ZNF385D: variants seen among roughly 807,000 people sequenced by gnomAD.
The protein encoded by ZNF385D is zinc finger protein 385D.
ZNF385D carries 15 observed loss-of-function variants against 35.8 expected under a neutral mutation model. The observed-to-expected ratio is 0.42, with a 90% CI of 0.28 to 0.64. The LOEUF (loss-of-function observed/expected upper bound fraction) is 0.64. Among genes scored for constraint, ZNF385D ranks in the 30% least tolerant of loss-of-function variants. The pLI is 0.23. For missense variants in ZNF385D, 474 were observed against 494.6 expected (o/e 0.96, Z 0.39); for synonymous variants, 212 against 186.8 (o/e 1.13, Z -1.10).
At chr3:21,532,355 C>A (rs1451079170) in intron 3 of ZNF385D, among the ~76,000 whole-genome samples, 3 of 152,050 alleles carry the variant, frequency 2.0e-5, no homozygotes, top group Non-Finnish European at 4.4e-5. Flanking sequence ...TGTAATATAT[C>A]AGTGTGGGGG....
chr3:21,755,358 C>A (rs1332905374), upstream of ZNF385D, among the ~76,000 whole-genome samples: 1 of 152,122 alleles, frequency 6.6e-6, no homozygotes, highest in Non-Finnish European at 1.5e-5. Context: ...TTTTATCCAC[C>A]AAGGTCGTTA....
chr3:21,912,986 A>G (rs1559747924), intron 3 of ZNF385D, among the ~76,000 whole-genome samples: 1 of 152,026 alleles, frequency 6.6e-6, no homozygotes, highest in Non-Finnish European at 1.5e-5. Flanking sequence ...TGTGATAATA[A>G]TTTTTTTAAA....
At chr3:22,199,592 G>A (rs946836530) in intron 2 of ZNF385D, among the ~76,000 whole-genome samples, 31 of 152,066 alleles carry the variant, frequency 2.0e-4, no homozygotes, top group Non-Finnish European at 4.0e-4. Context: ...AAGAGAAGTG[G>A]CACATACGGA....
At chr3:21,711,148 T>C (rs1341224861) in intron 1 of ZNF385D, among the ~76,000 whole-genome samples, 3 of 148,800 alleles carry the variant, frequency 2.0e-5, no homozygotes, top group Admixed American at 1.4e-4. Context: ...TTCACGCCAT[T>C]CTCCTGCCTC....
intron 3 of ZNF385D, among the ~76,000 whole-genome samples, chr3:22,024,522 C>T (rs1342117386): frequency 1.3e-5 from 2 of 151,744 alleles, no homozygotes; most frequent in Admixed American, 6.6e-5. Flanking sequence ...GTATGGAGAA[C>T]TAATAGTATA....
chr3:22,082,259 C>G (rs140917538), intron 3 of ZNF385D, among the ~76,000 whole-genome samples: 296 of 152,060 alleles, frequency 1.9e-3, no homozygotes, highest in African/African-American at 6.9e-3. Context: ...ATCGCCTCAC[C>G]CAGTAAGTGC....
intron 3 of ZNF385D, among the ~76,000 whole-genome samples, chr3:21,857,864 A>G (rs1368735375): frequency 6.6e-6 from 1 of 151,938 alleles, no homozygotes; most frequent in Non-Finnish European, 1.5e-5. Flanking sequence ...CTGGAGAACA[A>G]TCAGCACATA....
At chr3:22,020,976 A>G (rs1045425503) in intron 3 of ZNF385D, among the ~76,000 whole-genome samples, 7 of 151,986 alleles carry the variant, frequency 4.6e-5, no homozygotes, top group Non-Finnish European at 1.0e-4. Flanking sequence ...TTTTGCAGCA[A>G]TATGGATGGA....
At chr3:22,175,037 C>A (rs1263903014) in intron 2 of ZNF385D, among the ~76,000 whole-genome samples, 2 of 151,620 alleles carry the variant, frequency 1.3e-5, no homozygotes, top group African/African-American at 4.8e-5. Flanking sequence ...CTTAAAATTG[C>A]TTTATTATGG....
Position 21,809,990 on chromosome 3 carries a change from C to A in ZNF385D, c.326-144962G>T, listed in dbSNP as rs924217440. Among the ~76,000 whole-genome samples, 9 of 152,162 alleles carry A rather than the reference C, an allele frequency of 5.9e-5. 1 individual carries two copies. Among genetic ancestry groups the A allele is most frequent in the South Asian group, 4.2e-4 (2 of 4,810 alleles). On this transcript the variant is annotated intron_variant, in intron 3 of 5. Coordinates refer to the ZNF385D transcript ENST00000494108. ...AAGAAAAATTTACATGGATTCCATA[C>A]AATATCTTCCAGAAAATAGGAGAGA... is the stretch of plus-strand genomic sequence containing the variant.
chr3:21,845,303 G>A (rs797000661), intron 3 of ZNF385D, among the ~76,000 whole-genome samples: 2 of 151,808 alleles, frequency 1.3e-5, no homozygotes, highest in African/African-American at 2.4e-5. Flanking sequence ...TGTGACTTTT[G>A]GTCTAATGGA....
At chr3:22,019,926 T>A (rs923541012) in intron 3 of ZNF385D, among the ~76,000 whole-genome samples, 7 of 152,046 alleles carry the variant, frequency 4.6e-5, no homozygotes, top group Admixed American at 3.3e-4. Flanking sequence ...AGTCTTTTTA[T>A]GAATTTTCTA....
chr3:22,179,247 CTCTTT>C (rs1270695960), intron 2 of ZNF385D, among the ~76,000 whole-genome samples: 2 of 152,062 alleles, frequency 1.3e-5, no homozygotes, highest in Non-Finnish European at 2.9e-5. Flanking sequence ...TGTTTGTATC[CTCTTT>C]TATTTCATTG....
intron 3 of ZNF385D, among the ~76,000 whole-genome samples, chr3:21,974,040 T>C (rs1703440561): frequency 6.6e-6 from 1 of 151,974 alleles, no homozygotes; most frequent in African/African-American, 2.4e-5. Context: ...AAAATACCAA[T>C]AACATTCTTC....
intron 1 of ZNF385D, among the ~76,000 whole-genome samples, chr3:21,695,893 A>G (rs2067454726): frequency 6.6e-6 from 1 of 152,124 alleles, no homozygotes; most frequent in African/African-American, 2.4e-5. Flanking sequence ...TAATTCTCCC[A>G]AAGTACTTTG....
chr3:21,871,749 T>C (rs539550534), intron 3 of ZNF385D, among the ~76,000 whole-genome samples: 40 of 152,236 alleles, frequency 2.6e-4, no homozygotes, highest in Middle Eastern at 3.4e-3. Context: ...CTCACACCTT[T>C]AATCCCAGCA....
chr3:21,826,443 A>T (rs1286388325), intron 3 of ZNF385D, among the ~76,000 whole-genome samples: 1 of 152,168 alleles, frequency 6.6e-6, no homozygotes, highest in Admixed American at 6.5e-5. Flanking sequence ...GTTGGAAGAA[A>T]TATTTGGTAA....
At chr3:21,741,632 GTT>G (rs5847131) in intron 1 of ZNF385D, among the ~76,000 whole-genome samples, 6 of 150,856 alleles carry the variant, frequency 4.0e-5, no homozygotes, top group Non-Finnish European at 7.4e-5. Flanking sequence ...ATTTTGCCTT[GTT>G]TTTTTTTTTA....
At chr3:21,464,118 C>A (rs1458524328) in intron 4 of ZNF385D, among the ~76,000 whole-genome samples, 1 of 152,142 alleles carries the variant, frequency 6.6e-6, no homozygotes, top group Non-Finnish European at 1.5e-5. Context: ...AAATATTTTA[C>A]TGATTACAAT....
Sources: allele counts gnomAD v4.1 joint callset (sites outside exome capture counted in the v4.1 genomes callset), GRCh38; gene constraint gnomAD v4.1.1; transcripts MANE v1.5; gene names NCBI Gene and HGNC (gene_info 2026-07-23, HGNC 2026-07-21).